Variants in SLC8A1 observed in about 807,000 individuals in gnomAD.
SLC8A1 encodes the protein sodium/calcium exchanger 1.
A neutral mutation model predicts 68.3 loss-of-function variants in SLC8A1; 18 were observed. That is an observed-to-expected ratio of 0.26 (90% CI 0.18 to 0.39). The LOEUF is 0.39. Ranked by LOEUF, SLC8A1 falls within the 10% of genes least tolerant of loss-of-function variation. SLC8A1 has a pLI of 1.00. For missense variants in SLC8A1, 985 were observed against 1,156.7 expected (o/e 0.85, Z 2.15); for synonymous variants, 475 against 415.5 (o/e 1.14, Z -1.74).
chr2:40,277,729 C>T (rs2066907920), intron 2 of SLC8A1, among the ~76,000 whole-genome samples: 1 of 141,992 alleles, frequency 7.0e-6, no homozygotes, highest in South Asian at 2.2e-4. Context: ...ATAAATAAAC[C>T]AAAAACTAGG....
At chr2:40,098,250 C>G (rs1364513249) in exon 8 of SLC8A1, 1 of 151,930 alleles carries the variant, frequency 6.6e-6, no homozygotes, top group Middle Eastern at 3.2e-3. Context: ...AAAGTAACAT[C>G]TAATTTACAA....
At chr2:40,401,828 A>C (rs1688841353) in intron 2 of SLC8A1, among the ~76,000 whole-genome samples, 4 of 152,138 alleles carry the variant, frequency 2.6e-5, no homozygotes, top group South Asian at 4.1e-4. Context: ...AAATGAGTAA[A>C]GGCTCTTAAT....
At position 40,260,741 on chromosome 2, in the gene SLC8A1, GT is replaced by G. The variant is rs79178846; in HGVS notation, c.1809-82887del. Among the ~76,000 whole-genome samples the G allele has an allele frequency of 7.1e-3, 1,013 of 142,194 alleles. 4 individuals are homozygous for G. Among genetic ancestry groups the G allele is most frequent in the African/African-American group, 0.014 (563 of 39,068 alleles). 93.3% of individuals were successfully genotyped at this position (142,194 alleles called of 152,430 possible). ...TCAAAGATAAGAAAATGTGTATGTG[GT>G]TTTTTTTTTTTTTAATTTAGACTTC... On this transcript the variant is annotated intron_variant, in intron 2 of 7. Coordinates refer to ENST00000406785, the Ensembl canonical transcript of SLC8A1.
At chr2:40,243,258 G>A (rs13028470) in intron 2 of SLC8A1, among the ~76,000 whole-genome samples, 3,297 of 152,268 alleles carry the variant, frequency 0.022, 43 homozygotes, top group Middle Eastern at 0.071. Context: ...AAAGTGGGTG[G>A]ATTGCTTGAG....
chr2:40,225,982 G>C (rs1472495536), intron 2 of SLC8A1, among the ~76,000 whole-genome samples: 1 of 152,150 alleles, frequency 6.6e-6, no homozygotes, highest in Non-Finnish European at 1.5e-5. Context: ...AGCTTAGCAG[G>C]CAAGTAAATA....
intron 2 of SLC8A1, among the ~76,000 whole-genome samples, chr2:40,281,390 G>A (rs1275689228): frequency 6.6e-6 from 1 of 152,194 alleles, no homozygotes; most frequent in East Asian, 1.9e-4. Context: ...CTGTTGGTCA[G>A]CATTCTCAGT....
intron 2 of SLC8A1, among the ~76,000 whole-genome samples, chr2:40,371,925 A>T (rs1678225349): frequency 6.6e-6 from 1 of 152,086 alleles, no homozygotes. Context: ...TGAGACAAAA[A>T]ACCAGGACTA....
intron 4 of SLC8A1, among the ~76,000 whole-genome samples, chr2:40,172,725 G>A (rs955757857): frequency 1.3e-5 from 2 of 152,042 alleles, no homozygotes; most frequent in African/African-American, 4.8e-5. Context: ...GGTGGATCAC[G>A]AGGTCAGGAG....
intron 1 of SLC8A1, among the ~76,000 whole-genome samples, chr2:40,474,933 T>C (rs1321390412): frequency 2.6e-5 from 4 of 152,186 alleles, no homozygotes; most frequent in Non-Finnish European, 5.9e-5. Flanking sequence ...ACATAACAAA[T>C]GTAAAAATAA....
intron 2 of SLC8A1, among the ~76,000 whole-genome samples, chr2:40,262,639 T>C (rs893880167): frequency 3.3e-5 from 5 of 152,320 alleles, no homozygotes; most frequent in African/African-American, 4.8e-5. Flanking sequence ...CAAGAAACAT[T>C]TCTTGAGTCC....
intron 2 of SLC8A1, among the ~76,000 whole-genome samples, chr2:40,419,653 C>A (rs1262287247): frequency 2.0e-5 from 3 of 152,078 alleles, no homozygotes; most frequent in Non-Finnish European, 4.4e-5. Context: ...AAAACTGTGT[C>A]AAGATTGTAA....
chr2:40,206,799 A>G (rs1221168328), intron 2 of SLC8A1, among the ~76,000 whole-genome samples: 4 of 152,046 alleles, frequency 2.6e-5, no homozygotes, highest in African/African-American at 7.2e-5. Context: ...GGACTCAAAA[A>G]CAAGTTTTAT....
intron 6 of SLC8A1, among the ~76,000 whole-genome samples, chr2:40,148,308 T>C (rs1462642911): frequency 6.6e-6 from 1 of 152,222 alleles, no homozygotes; most frequent in African/African-American, 2.4e-5. Context: ...GAAGTGGGAT[T>C]CTCCTCATTT....
intron 2 of SLC8A1, among the ~76,000 whole-genome samples, chr2:40,240,521 T>C (rs904750369): frequency 2.0e-5 from 3 of 152,216 alleles, no homozygotes; most frequent in African/African-American, 7.2e-5. Context: ...AAAAAATTCC[T>C]GCTATATCCA....
At chr2:40,316,843 C>G (rs72943128) in intron 2 of SLC8A1, among the ~76,000 whole-genome samples, 1,726 of 152,064 alleles carry the variant, frequency 0.011, 32 homozygotes, top group African/African-American at 0.039. Context: ...TAATCTTAGT[C>G]TCATAGGGAT....
At chr2:40,451,737 TCACACACACACACACA>T (rs756970142) in intron 1 of SLC8A1, among the ~76,000 whole-genome samples, 151 bp downstream of exon 1, 68 of 133,742 alleles carry the variant, frequency 5.1e-4, no homozygotes, top group African/African-American at 1.2e-3. Flanking sequence ...ACACACCACA[TCACACACACACACACA>T]CACACACACA....
At chr2:40,416,480 T>G (rs1037815951) in intron 2 of SLC8A1, among the ~76,000 whole-genome samples, 11 of 152,320 alleles carry the variant, frequency 7.2e-5, no homozygotes, top group African/African-American at 2.4e-4. Context: ...AAATATCATT[T>G]CCTCACACTT....
intron 6 of SLC8A1, among the ~76,000 whole-genome samples, chr2:40,151,577 T>G (rs995311702): frequency 1.3e-5 from 2 of 151,944 alleles, no homozygotes; most frequent in African/African-American, 4.8e-5. Flanking sequence ...CATAAGATAT[T>G]TTAAGACAAA....
intron 1 of SLC8A1, among the ~76,000 whole-genome samples, chr2:40,469,230 T>C (rs958561250): frequency 1.3e-5 from 2 of 152,262 alleles, no homozygotes; most frequent in African/African-American, 2.4e-5. Context: ...CCGAATTTCA[T>C]ATGGAATTGT....
Sources: gnomAD v4.1 joint callset for allele counts (sites outside exome capture counted in the v4.1 genomes callset) on GRCh38, gnomAD v4.1.1 for gene constraint, MANE v1.5 for transcripts, NCBI Gene and HGNC (gene_info 2026-07-23, HGNC 2026-07-21) for gene names.